Variants in EIF2B1 observed in about 807,000 individuals in gnomAD.
EIF2B1 encodes the protein translation initiation factor eIF2B subunit alpha.
A neutral mutation model predicts 36.8 loss-of-function variants in EIF2B1; 30 were observed. That is an observed-to-expected ratio of 0.81 (90% CI 0.61 to 1.10). The LOEUF (loss-of-function observed/expected upper bound fraction) is 1.10. Ranked by LOEUF, EIF2B1 falls within the 50% of genes least tolerant of loss-of-function variation. The pLI, the probability that EIF2B1 is intolerant of heterozygous loss-of-function variation, is 0.00. For missense variants in EIF2B1, 271 were observed against 374.8 expected (o/e 0.72, Z 2.29); for synonymous variants, 139 against 142.2 (o/e 0.98, Z 0.16).
Position 123,622,703 on chromosome 12 carries a change from A to G in EIF2B1, c.686T>C (p.Val229Ala). ...CCGGACAAACTTGAAACTTTCTGCA[A>G]CCACATAGAAAGGTTTGTTCTGTGC... is the stretch of plus-strand genomic sequence containing the variant. ...AKAQNKPFYVVAESFKFVRLF... is the reference protein window; with the variant it reads ...AKAQNKPFYVAAESFKFVRLF... Residue 229 changes from valine (V) to alanine (A), a missense_variant, in exon 8 of 9, where the codon GTT (valine) becomes GCT (alanine). Coordinates refer to ENST00000424014, the MANE Select transcript of EIF2B1 (RefSeq NM_001414.4). The G allele has an allele frequency of 6.2e-7, 1 of 1,614,220 alleles. No individual in the cohort carries two copies. The highest frequency in any genetic ancestry group is 8.5e-7 in the Non-Finnish European group (1 of 1,180,020).
chr12:123,626,459 C>T lies in EIF2B1; in HGVS notation c.517G>A (p.Val173Ile), dbSNP rs201342513. 3.2e-5 allele frequency: 52 copies of T among 1,614,042 alleles called. No homozygotes were observed. Among genetic ancestry groups the T allele is most frequent in the Admixed American group, 2.8e-4 (17 of 60,002 alleles). Reference sequence around the variant, plus strand: ...GCATCTAGCACCACAGTGACAGGGACGTTGAGGTGGCAGAGGGCTTTGGCC... The same window carrying T: ...GCATCTAGCACCACAGTGACAGGGATGTTGAGGTGGCAGAGGGCTTTGGCC... The part of the protein sequence containing the change: ...KMAKALCHLN[V>I]PVTVVLDAAV... The change falls in exon 6 of 9, where the codon GTC becomes ATC. Residue 173 changes from valine (V) to isoleucine (I), a missense_variant. Val to Ile is a conservative substitution (Grantham distance 29). Transcript: ENST00000424014.
chr12:123,621,985 G>A, intron 8 of EIF2B1, 65 bp from the exon 9 acceptor site: 1 of 1,591,204 alleles, frequency 6.3e-7, no homozygotes, highest in East Asian at 2.3e-5. Context: ...TAGGGCCTTG[G>A]TGTGAGTGAT....
In EIF2B1 at chr12:123,630,400, G is replaced by A; in HGVS notation, c.249C>T (p.Tyr83=). ...CCCAGGGAGAACAGGCACTTACGGA[G>A]TATTCCAGGGAGGCAAGACTGATGA... ...LRFISLASLE[Y]SDYSKCKKIM... The change falls in exon 3 of 9, where the codon TAC becomes TAT. Residue 83 remains tyrosine, a synonymous_variant. Transcript: ENST00000424014. The surrounding 1 kb of genome is among the most constrained non-coding windows in gnomAD (Gnocchi z 4.6). 4 of 1,614,192 alleles carry A rather than the reference G, an allele frequency of 2.5e-6. No individual in the cohort carries two copies. Among genetic ancestry groups the A allele is most frequent in the Non-Finnish European group, 2.5e-6 (3 of 1,180,040 alleles).
At position 123,626,726 on chromosome 12, in the gene EIF2B1, AAAG is replaced by A. The variant is rs1955151462; in HGVS notation, c.483-236_483-234del. On this transcript the variant is annotated intron_variant, in intron 5 of 8. Coordinates refer to ENST00000424014, the MANE Select transcript of EIF2B1 (RefSeq NM_001414.4). ...GGGTAAGAGATGTAAATTCAGGAAA[AAAG>A]GAGGAAGTTTTGCTTTGATTATCGT... 17 of 638,416 alleles carry A rather than the reference AAAG, an allele frequency of 2.7e-5. No individual in the cohort carries two copies. In the South Asian group the frequency reaches 3.0e-4, roughly 11 times the overall value. 39.5% of individuals were successfully genotyped at this position (638,416 alleles called of 1,614,324 possible). A position where few individuals can be genotyped will look rare whatever the true frequency, so the allele number is the denominator to read the frequency against.
chr12:123,626,660 T>C (rs1955151047), intron 5 of EIF2B1, 167 bp from the exon 6 acceptor site: 2 of 796,012 alleles, frequency 2.5e-6, no homozygotes, highest in Admixed American at 4.3e-5. Context: ...TTTGAGTTCT[T>C]TAGAAAGAAG....
chr12:123,622,830 G>T, intron 7 of EIF2B1, 69 bp from the exon 8 acceptor site: 2 of 1,603,746 alleles, frequency 1.2e-6, no homozygotes, highest in Non-Finnish European at 1.7e-6. Flanking sequence ...AGAAAAGCGG[G>T]CCGGGCACAG....
chr12:123,625,810 A>G (rs1955144148), intron 6 of EIF2B1, among the ~76,000 whole-genome samples: 1 of 152,146 alleles, frequency 6.6e-6, no homozygotes, highest in South Asian at 2.1e-4. Context: ...GCTGATCCCA[A>G]CTGACCTTTG....
At position 123,621,250 on chromosome 12, in the gene EIF2B1, G is replaced by A. The variant is rs572343813; in HGVS notation, c.*506C>T. 6.5e-4 allele frequency: 136 copies of A among 210,268 alleles called. No homozygotes were observed. The highest frequency in any genetic ancestry group is 1.2e-3 in the South Asian group (15 of 12,416). 13.0% of individuals were successfully genotyped at this position (210,268 alleles called of 1,614,324 possible). A position where few individuals can be genotyped will look rare whatever the true frequency, so the allele number is the denominator to read the frequency against. On this transcript the variant is annotated 3_prime_UTR_variant, in exon 9 of 9. Transcript: ENST00000424014. Reference sequence around the variant, plus strand: ...TTCTCTTGGTAGTTTTTACTGTTTGGCTTGATCCTGCTGAGGAATGTGCTT... The same window carrying A: ...TTCTCTTGGTAGTTTTTACTGTTTGACTTGATCCTGCTGAGGAATGTGCTT...
At chr12:123,626,319 C>T in intron 6 of EIF2B1, 106 bp downstream of exon 6, 1 of 1,363,138 alleles carries the variant, frequency 7.3e-7, no homozygotes, top group South Asian at 1.2e-5. Context: ...TAGGACGCTA[C>T]CTGGTGTGGC....
In EIF2B1 at chr12:123,621,934, T is replaced by C; in HGVS notation, c.754-14A>G. On this transcript the variant is annotated splice_polypyrimidine_tract_variant and intron_variant, in intron 8 of 8. Transcript: ENST00000424014. ...GTCTGCCTTATACTGAGGAGAGAAG[T>C]ACACATTAGTCGGCACTGAATATTT... 2 of 1,613,728 alleles carry C rather than the reference T, an allele frequency of 1.2e-6. No individual in the cohort carries two copies. Among genetic ancestry groups the C allele is most frequent in the Non-Finnish European group, 8.5e-7 (1 of 1,179,968 alleles).
intron 2 of EIF2B1, among the ~76,000 whole-genome samples, chr12:123,631,528 G>T (rs1955186466): frequency 6.6e-6 from 1 of 152,122 alleles, no homozygotes; most frequent in Admixed American, 6.6e-5. Context: ...AAAAAATTTG[G>T]CCGGGCCCGG....
rs1258517204 is a variant in EIF2B1, at chr12:123,621,708, C to G, written c.*48G>C. 1 of 1,612,014 alleles carries G rather than the reference C, an allele frequency of 6.2e-7. No homozygotes were observed. The highest frequency in any genetic ancestry group is 8.5e-7 in the Non-Finnish European group (1 of 1,179,784). Reference sequence around the variant, plus strand: ...ACTGGGGTGTCAAGCAGCTACTCACCCTGCCTCAACTACGTAAGCTGCACC... The same window carrying G: ...ACTGGGGTGTCAAGCAGCTACTCACGCTGCCTCAACTACGTAAGCTGCACC... On this transcript the variant is annotated 3_prime_UTR_variant, in exon 9 of 9. Coordinates refer to ENST00000424014, the MANE Select transcript of EIF2B1 (RefSeq NM_001414.4).
chr12:123,621,755 G>C lies in EIF2B1; in HGVS notation c.*1C>G, dbSNP rs376013330. The stretch of plus-strand genomic sequence containing the variant: ...CACCTTGGCAGGAAAGGGCTCACAG[G>C]TTACAGATAGAGCTTGATGAGCTCA... On this transcript the variant is annotated 3_prime_UTR_variant, in exon 9 of 9. Transcript: ENST00000424014. The C allele has an allele frequency of 1.9e-6, 3 of 1,613,472 alleles. No homozygotes were observed. Among genetic ancestry groups the C allele is most frequent in the Non-Finnish European group, 2.5e-6 (3 of 1,180,020 alleles).
Position 123,621,542 on chromosome 12 carries a change from A to G in EIF2B1, c.*214T>C. 2 of 612,756 alleles carry G rather than the reference A, an allele frequency of 3.3e-6. No homozygotes were observed. The highest frequency in any genetic ancestry group is 2.8e-6 in the Non-Finnish European group (1 of 352,720). 38.0% of individuals were successfully genotyped at this position (612,756 alleles called of 1,614,324 possible). A position where few individuals can be genotyped will look rare whatever the true frequency, so the allele number is the denominator to read the frequency against. On this transcript the variant is annotated 3_prime_UTR_variant, in exon 9 of 9. Coordinates refer to ENST00000424014, the MANE Select transcript of EIF2B1 (RefSeq NM_001414.4). ...AAGGAAAGTTTCTAGAAACCGTAAG[A>G]ACAATTTAAGTTGGGATTTAGAATA...
At chr12:123,629,745 A>G (rs1359785517) in intron 4 of EIF2B1, among the ~76,000 whole-genome samples, 4 of 152,212 alleles carry the variant, frequency 2.6e-5, no homozygotes, top group African/African-American at 9.6e-5. Flanking sequence ...GTGAGCTGAG[A>G]TCGCGCCACT....
chr12:123,627,833 AAG>A (rs1310008706), intron 4 of EIF2B1, among the ~76,000 whole-genome samples: 6 of 152,302 alleles, frequency 3.9e-5, no homozygotes, highest in Non-Finnish European at 7.3e-5. Flanking sequence ...TAGTCTGGGC[AAG>A]AGAGTGAGAC....
intron 4 of EIF2B1, among the ~76,000 whole-genome samples, chr12:123,628,286 C>A (rs1955162849): frequency 6.6e-6 from 1 of 151,662 alleles, no homozygotes; most frequent in Non-Finnish European, 1.5e-5. Flanking sequence ...GTGTTGAATT[C>A]CTGGCCTCAA....
Position 123,621,391 on chromosome 12 carries a change from G to GC in EIF2B1, c.*364dup. 2 of 344,482 alleles carry GC rather than the reference G, an allele frequency of 5.8e-6. No individual in the cohort carries two copies. The highest frequency in any genetic ancestry group is 2.3e-5 in the South Asian group (1 of 43,004). 21.3% of individuals were successfully genotyped at this position (344,482 alleles called of 1,614,324 possible). On this transcript the variant is annotated 3_prime_UTR_variant, in exon 9 of 9. Transcript: ENST00000424014. ...TGGCAGAGGGGTGTGGCTGCTTTTC[G>GC]CCTGCATCTCGCGTGCTTTAGGCAG...
In EIF2B1 at chr12:123,622,723, C is replaced by T. The variant is rs1955113696; in HGVS notation, c.666G>A (p.Gln222=). The T allele has an allele frequency of 1.1e-5, 17 of 1,614,166 alleles. No homozygotes were observed. The highest frequency in any genetic ancestry group is 1.4e-5 in the Non-Finnish European group (16 of 1,179,994). Residue 222 remains glutamine, a synonymous_variant, in exon 8 of 9, where the codon CAG becomes CAA. Coordinates refer to ENST00000424014, the MANE Select transcript of EIF2B1 (RefSeq NM_001414.4). ...TNQMAVCAKA[Q]NKPFYVVAES... is the part of the protein sequence containing the mutation. ...CTGCAACCACATAGAAAGGTTTGTT[C>T]TGTGCTTTGGCACACACAGCCATCT...
Sources: gnomAD v4.1 joint callset for allele counts (sites outside exome capture counted in the v4.1 genomes callset) on GRCh38, gnomAD v4.1.1 for gene constraint, Gnocchi (gnomAD v3.1) non-coding constraint, MANE v1.5 for transcripts, NCBI Gene and HGNC (gene_info 2026-07-23, HGNC 2026-07-21) for gene names.